GPALPP1: variants seen among roughly 807,000 people sequenced by gnomAD.
GPALPP1 encodes the protein GPALPP motifs-containing protein 1.
A neutral mutation model predicts 38.9 loss-of-function variants in GPALPP1; 30 were observed. The observed-to-expected ratio is 0.77, with a 90% confidence interval of 0.58 to 1.05. The LOEUF is 1.05. GPALPP1 is among the 50% of genes least tolerant of loss of function. The pLI, the probability that GPALPP1 is intolerant of heterozygous loss-of-function variation, is 0.00. For synonymous variants in GPALPP1, 120 were observed against 139.2 expected (o/e 0.86, Z 0.97); for missense variants, 384 against 408.8 (o/e 0.94, Z 0.52).
chr13:44,999,666 G>A (rs1225896668), intron 1 of GPALPP1, among the ~76,000 whole-genome samples: 3 of 152,012 alleles, frequency 2.0e-5, no homozygotes, highest in Non-Finnish European at 2.9e-5. Flanking sequence ...AGCAACCTCC[G>A]CCTCCCGGGT....
chr13:45,030,738 A>G (rs1876156872), downstream of GPALPP1: 1 of 152,162 alleles, frequency 6.6e-6, no homozygotes, highest in Non-Finnish European at 1.5e-5. Context: ...TGTAAGCTTT[A>G]TGAAAATTGA....
At position 45,006,349 on chromosome 13, in the gene GPALPP1, A is replaced by G. The variant is rs748149591; in HGVS notation, c.323+46A>G. On this transcript the variant is annotated intron_variant, in intron 3 of 7. Transcript: ENST00000379151. ...AGGCCAGTCTTTCTTTAAATATTTT[A>G]ACTAATGAATCTTTAATGAATTAAA... 9 of 886,030 alleles carry G rather than the reference A, an allele frequency of 1.0e-5. No individual in the cohort carries two copies. In the South Asian group the frequency reaches 1.5e-4, roughly 14 times the overall value. The allele number at this position is 886,030 out of a possible 1,614,324, so 54.9% of individuals were successfully genotyped here. A position where few individuals can be genotyped will look rare whatever the true frequency, so the allele number is the denominator to read the frequency against.
chr13:44,993,592 G>A (rs1470165975), intron 1 of GPALPP1, among the ~76,000 whole-genome samples: 3 of 151,718 alleles, frequency 2.0e-5, no homozygotes, highest in African/African-American at 7.3e-5. Flanking sequence ...TGAGGCTTGA[G>A]AATCACTTGT....
intron 1 of GPALPP1, among the ~76,000 whole-genome samples, chr13:45,003,717 T>A (rs1873855491): frequency 1.3e-5 from 2 of 152,174 alleles, no homozygotes. Flanking sequence ...CCCTTACCAC[T>A]CTCCCTAACA....
At chr13:44,992,183 C>A (rs995877788) in intron 1 of GPALPP1, among the ~76,000 whole-genome samples, 2 of 152,032 alleles carry the variant, frequency 1.3e-5, no homozygotes, top group Admixed American at 6.6e-5. Flanking sequence ...CTTTTAAATC[C>A]GGTGGTTTGT....
At chr13:45,025,723 G>T (rs1052470213) in intron 7 of GPALPP1, among the ~76,000 whole-genome samples, 9 of 151,724 alleles carry the variant, frequency 5.9e-5, no homozygotes, top group African/African-American at 1.7e-4. Context: ...AGATTTTTCT[G>T]AATTTGGAAC....
intron 1 of GPALPP1, among the ~76,000 whole-genome samples, chr13:44,999,332 G>A (rs920101873): frequency 3.9e-5 from 6 of 152,092 alleles, no homozygotes; most frequent in African/African-American, 1.2e-4. Flanking sequence ...TATAAGGAAC[G>A]CGTAACTCCT....
At chr13:44,999,997 T>A (rs1403164860) in intron 1 of GPALPP1, among the ~76,000 whole-genome samples, 1 of 152,258 alleles carries the variant, frequency 6.6e-6, no homozygotes, top group African/African-American at 2.4e-5. Flanking sequence ...TACTTTTTTA[T>A]ACTATTTTTC....
At chr13:45,027,564 G>T (rs897522038) in intron 7 of GPALPP1, among the ~76,000 whole-genome samples, 9 of 151,326 alleles carry the variant, frequency 5.9e-5, no homozygotes. Context: ...CCCGTTCTTG[G>T]TTTGTACTCT....
chr13:45,007,003 T>C (rs567840535), intron 3 of GPALPP1, among the ~76,000 whole-genome samples: 1 of 152,028 alleles, frequency 6.6e-6, no homozygotes, highest in South Asian at 2.1e-4. Context: ...AGAAAAGGCT[T>C]TTTATTTTAT....
intron 4 of GPALPP1, among the ~76,000 whole-genome samples, chr13:45,013,703 T>C (rs1050470418): frequency 2.0e-5 from 3 of 152,184 alleles, no homozygotes; most frequent in African/African-American, 4.8e-5. Context: ...GAAGCTGTTA[T>C]AATTTCCATG....
chr13:45,020,038 C>T (rs957460985), intron 6 of GPALPP1, among the ~76,000 whole-genome samples: 10 of 151,926 alleles, frequency 6.6e-5, no homozygotes, highest in Admixed American at 6.6e-4. Flanking sequence ...GCACCCGCCA[C>T]CATGCCCAGC....
intron 4 of GPALPP1, among the ~76,000 whole-genome samples, chr13:45,011,498 C>T (rs1874473869): frequency 6.6e-6 from 1 of 152,098 alleles, no homozygotes; most frequent in Non-Finnish European, 1.5e-5. Flanking sequence ...CAAACACGTC[C>T]ATCTTCACAT....
chr13:45,020,784 A>C (rs1875371950), intron 7 of GPALPP1, among the ~76,000 whole-genome samples: 1 of 151,572 alleles, frequency 6.6e-6, no homozygotes, highest in South Asian at 2.1e-4. Context: ...TTATACATCT[A>C]TCCTGAAATA....
chr13:44,990,002 C>T (rs1367282033), intron 1 of GPALPP1: 1 of 554,962 alleles, frequency 1.8e-6, no homozygotes. Context: ...TGCACGCTGC[C>T]CTAACTGACT....
intron 1 of GPALPP1, among the ~76,000 whole-genome samples, chr13:44,991,471 C>T (rs779991254): frequency 1.3e-4 from 20 of 152,006 alleles, no homozygotes; most frequent in Admixed American, 5.2e-4. Flanking sequence ...AAAGATTCTT[C>T]GTATATATTT....
In GPALPP1 at chr13:45,015,025, C is replaced by A; in HGVS notation, c.482C>A (p.Thr161Lys). ...PAKGPVNYNV[T>K]TEFEKRAQRM... ...AAAGGACCAGTTAACTATAATGTAA[C>A]GACAGAGTTTGAAAAAAGGGCCCAG... The change falls in exon 5 of 8, where the codon ACG becomes AAG. Residue 161 changes from threonine to lysine, a missense_variant. Physicochemically the swap from Thr to Lys is moderately conservative, Grantham distance 78. Transcript: ENST00000379151. 6.2e-7 allele frequency: 1 copy of A among 1,604,760 alleles called. No homozygotes were observed.
intron 2 of GPALPP1, chr13:45,005,099 T>C (rs1246238975): frequency 1.6e-5 from 2 of 125,836 alleles, no homozygotes; most frequent in Non-Finnish European, 3.4e-5. Flanking sequence ...TTTTTTTTTT[T>C]TTTTTTTTTT....
At chr13:45,024,147 C>CTGTGTGTGTG (rs58048658) in intron 7 of GPALPP1, among the ~76,000 whole-genome samples, 12 of 23,342 alleles carry the variant, frequency 5.1e-4, no homozygotes, top group Non-Finnish European at 8.4e-4. Context: ...CCCTAAAACT[C>CTGTGTGTGTG]TGTGTGTGTG....
Sources: allele counts gnomAD v4.1 joint callset (sites outside exome capture counted in the v4.1 genomes callset), GRCh38; gene constraint gnomAD v4.1.1; transcripts MANE v1.5; gene names NCBI Gene and HGNC (gene_info 2026-07-23, HGNC 2026-07-21).